COL11A1: variants seen among roughly 807,000 people sequenced by gnomAD.
The protein encoded by COL11A1 is collagen alpha-1(XI) chain.
In COL11A1, 74 loss-of-function variants were observed where a neutral mutation model predicts 265.2. That is an observed-to-expected ratio of 0.28 (90% CI 0.23 to 0.34). COL11A1 has a LOEUF of 0.34. Among genes scored for constraint, COL11A1 ranks in the 10% least tolerant of loss-of-function variants. The pLI, the probability that COL11A1 is intolerant of heterozygous loss-of-function variation, is 1.00. For synonymous variants in COL11A1, 816 were observed against 727.6 expected (o/e 1.12, Z -1.96); for missense variants, 2,165 against 2,263.6 (o/e 0.96, Z 0.88).
At chr1:102,899,348 T>C (rs902655525) in intron 54 of COL11A1, among the ~76,000 whole-genome samples, 3 of 152,270 alleles carry the variant, frequency 2.0e-5, no homozygotes, top group African/African-American at 7.2e-5. Flanking sequence ...ATTTAATATA[T>C]CTACTTGTAT....
chr1:103,082,355 T>C (rs1261987892), intron 2 of COL11A1, among the ~76,000 whole-genome samples: 3 of 152,042 alleles, frequency 2.0e-5, no homozygotes, highest in African/African-American at 7.2e-5. Context: ...TAGGAAAACA[T>C]GCACTAAGTA....
intron 4 of COL11A1, among the ~76,000 whole-genome samples, chr1:103,063,950 A>G (rs1485535431): frequency 6.6e-6 from 1 of 152,218 alleles, no homozygotes; most frequent in Non-Finnish European, 1.5e-5. Flanking sequence ...GCCTATGAAA[A>G]TATGTTCAAC....
intron 41 of COL11A1, among the ~76,000 whole-genome samples, chr1:102,950,504 C>T (rs149735555): frequency 1.3e-5 from 2 of 152,124 alleles, no homozygotes; most frequent in Non-Finnish European, 2.9e-5. Context: ...TATTTATCCT[C>T]AGTCATCCTA....
At chr1:102,905,892 C>A (rs1297170573) in intron 54 of COL11A1, among the ~76,000 whole-genome samples, 1 of 152,084 alleles carries the variant, frequency 6.6e-6, no homozygotes, top group African/African-American at 2.4e-5. Flanking sequence ...CACTGCTGAA[C>A]TCAAACAACA....
intron 16 of COL11A1, 49 bp downstream of exon 16, chr1:103,006,213 A>T: frequency 6.9e-7 from 1 of 1,449,254 alleles, no homozygotes; most frequent in Non-Finnish European, 9.3e-7. Context: ...AAATAAAACT[A>T]ATGATCATGG....
chr1:103,050,868 C>T (rs530574123), intron 4 of COL11A1, among the ~76,000 whole-genome samples: 2 of 152,170 alleles, frequency 1.3e-5, no homozygotes, highest in African/African-American at 2.4e-5. Flanking sequence ...GAGGTCCACT[C>T]CAGACACTGT....
At chr1:102,923,990 C>G (rs1158818665) in intron 46 of COL11A1, among the ~76,000 whole-genome samples, 1 of 149,022 alleles carries the variant, frequency 6.7e-6, no homozygotes, top group African/African-American at 2.5e-5. Context: ...GGGCGGATCA[C>G]GAGGTCAGGA....
At chr1:103,039,447 G>T (rs867061409) in intron 4 of COL11A1, among the ~76,000 whole-genome samples, 1 of 152,054 alleles carries the variant, frequency 6.6e-6, no homozygotes, top group Non-Finnish European at 1.5e-5. Context: ...AGGTAATTAA[G>T]GTTAAACGAA....
intron 4 of COL11A1, among the ~76,000 whole-genome samples, chr1:103,061,790 C>CA (rs1364818703): frequency 5.3e-5 from 8 of 151,420 alleles, no homozygotes; most frequent in Non-Finnish European, 1.5e-5. Flanking sequence ...AGAATCTAAA[C>CA]AAAAAAGAGG....
At chr1:103,032,172 T>C (rs1356937963) in intron 4 of COL11A1, among the ~76,000 whole-genome samples, 3 of 152,096 alleles carry the variant, frequency 2.0e-5, no homozygotes, top group Admixed American at 6.6e-5. Flanking sequence ...GAGCATTCAA[T>C]TCCCTGTAAG....
At chr1:103,042,533 C>T (rs925146205) in intron 4 of COL11A1, among the ~76,000 whole-genome samples, 3 of 152,002 alleles carry the variant, frequency 2.0e-5, no homozygotes, top group East Asian at 3.9e-4. Context: ...CAGACTCTCC[C>T]GCAGGTTGGT....
At chr1:103,025,776 T>A in intron 6 of COL11A1, 163 bp from the exon 7 acceptor site, 1 of 1,612,072 alleles carries the variant, frequency 6.2e-7, no homozygotes, top group Non-Finnish European at 8.5e-7. Context: ...CTAGGATAGA[T>A]CTTGATTGCT....
At chr1:103,073,952 C>G (rs554394232) in intron 4 of COL11A1, among the ~76,000 whole-genome samples, 1 of 152,080 alleles carries the variant, frequency 6.6e-6, no homozygotes, top group East Asian at 1.9e-4. Context: ...AAAACAATCA[C>G]AGAAATAATA....
rs190326807 is a variant in COL11A1, at chr1:102,920,141, T to A, written c.3762+170A>T. Among the ~76,000 whole-genome samples the A allele has an allele frequency of 2.6e-5, 4 of 152,218 alleles. No individual in the cohort carries two copies. In the East Asian group the frequency reaches 7.7e-4, roughly 29 times the overall value. Reference sequence around the variant, plus strand: ...AATAATTGGCAACCAAAACACAATATTGCAAAATCATTTTAACTTTAATTT... The same window carrying A: ...AATAATTGGCAACCAAAACACAATAATGCAAAATCATTTTAACTTTAATTT... On this transcript the variant is annotated intron_variant, in intron 49 of 66. Transcript: ENST00000370096.
At chr1:103,064,122 C>A (rs576718398) in intron 4 of COL11A1, among the ~76,000 whole-genome samples, 6 of 152,188 alleles carry the variant, frequency 3.9e-5, no homozygotes, top group African/African-American at 1.4e-4. Flanking sequence ...TGGCGGGAAT[C>A]CAAAAGGGTT....
At chr1:102,969,516 G>T (rs896599298) in intron 37 of COL11A1, among the ~76,000 whole-genome samples, 1 of 152,144 alleles carries the variant, frequency 6.6e-6, no homozygotes, top group Non-Finnish European at 1.5e-5. Context: ...CACTGGGATA[G>T]CCAGATGTCT....
At chr1:103,011,883 T>G (rs1666159883) in intron 14 of COL11A1, among the ~76,000 whole-genome samples, 1 of 152,058 alleles carries the variant, frequency 6.6e-6, no homozygotes, top group Non-Finnish European at 1.5e-5. Flanking sequence ...ATCACGCTAG[T>G]GAGAAAAAAA....
Position 102,881,862 on chromosome 1 carries a change from A to G in COL11A1, c.4972-97T>C, listed in dbSNP as rs1051202176. The G allele has an allele frequency of 6.7e-6, 6 of 893,554 alleles. No individual in the cohort carries two copies. The African/African-American group carries it at 1.0e-4, about 15-fold the overall frequency. 55.4% of individuals were successfully genotyped at this position (893,554 alleles called of 1,614,324 possible). A position where few individuals can be genotyped will look rare whatever the true frequency, so the allele number is the denominator to read the frequency against. ...ATAATTCATTTTCAGTAAGACTAAG[A>G]AAATAAAGAGTGCTTAAAATCGTTT... On this transcript the variant is annotated intron_variant, in intron 64 of 66. Transcript: ENST00000370096.
rs974381204 is a variant in COL11A1, at chr1:102,940,533, GT to G, written c.3277-100del. The G allele has an allele frequency of 3.8e-5, 33 of 875,824 alleles. No individual in the cohort carries two copies. In the African/African-American group the frequency reaches 4.6e-4, roughly 12 times the overall value. The allele number at this position is 875,824 out of a possible 1,614,324, so 54.3% of individuals were successfully genotyped here. A position where few individuals can be genotyped will look rare whatever the true frequency, so the allele number is the denominator to read the frequency against. The stretch of plus-strand genomic sequence containing the variant: ...ATATTTGACAAGGATATTGTTTAAT[GT>G]TTTTTAGAAAAACATTTTAAAGAAT... On this transcript the variant is annotated intron_variant, in intron 42 of 66. Transcript: ENST00000370096.
Sources: gnomAD v4.1 joint callset for allele counts (sites outside exome capture counted in the v4.1 genomes callset) on GRCh38, gnomAD v4.1.1 for gene constraint, MANE v1.5 for transcripts, NCBI Gene and HGNC (gene_info 2026-07-23, HGNC 2026-07-21) for gene names.